Variants in CEP78 observed in about 807,000 individuals in gnomAD.
The protein encoded by CEP78 is centrosomal protein 78.
In CEP78, 76 loss-of-function variants were observed where a neutral mutation model predicts 81.2. That is an observed-to-expected ratio of 0.94 (90% CI 0.78 to 1.13). The LOEUF is 1.13. Among genes scored for constraint, CEP78 ranks in the 50% most tolerant of loss-of-function variants. CEP78 has a pLI of 0.00. For synonymous variants in CEP78, 293 were observed against 301.4 expected (o/e 0.97, Z 0.29); for missense variants, 918 against 846.8 (o/e 1.08, Z -1.04).
chr9:78,246,822 A>G (rs756899539), intron 6 of CEP78, 40 bp downstream of exon 6: 3 of 1,133,912 alleles, frequency 2.6e-6, no homozygotes, highest in Non-Finnish European at 3.8e-6. Context: ...AACAAATAGC[A>G]AAAGAAAAAG....
intron 2 of CEP78, 31 bp from the exon 3 acceptor site, chr9:78,240,252 AAACCTCAAT>A (rs1297432667): frequency 6.2e-7 from 1 of 1,612,074 alleles, no homozygotes; most frequent in Non-Finnish European, 8.5e-7. Context: ...AGAGGAAAAA[AAACCTCAAT>A]AACATTTTTA....
rs1827840043 is a variant in CEP78 at position 78,278,086 on chromosome 9, G to A, written c.*7235G>A. 6.6e-6 allele frequency: 1 copy of A among 151,996 alleles called. No individual in the cohort carries two copies. Among genetic ancestry groups the A allele is most frequent in the Non-Finnish European group, 1.5e-5 (1 of 67,970 alleles). 9.4% of individuals were successfully genotyped at this position (151,996 alleles called of 1,614,324 possible). On this transcript the variant is annotated 3_prime_UTR_variant, in exon 17 of 17. Transcript: ENST00000643273. ...ATATCAAGCTATTGACAGCGGTTTT[G>A]TCTGCTGAAGGAGGAAAAAAGGGGG...
rs1289004383 is a variant in CEP78 at position 78,236,333 on chromosome 9, C to G, written c.-18C>G. On this transcript the variant is annotated 5_prime_UTR_variant, in exon 1 of 17. Transcript: ENST00000643273. ...CGGCGTCTCCGCGGCGGGCATCCCC[C>G]GAGGCCGCCCTCGGGCCATGATCGA... 36 of 1,550,250 alleles carry G rather than the reference C, an allele frequency of 2.3e-5. No individual in the cohort carries two copies. The highest frequency in any genetic ancestry group is 2.9e-5 in the Non-Finnish European group (33 of 1,153,698).
Position 78,266,983 on chromosome 9 carries a change from A to G in CEP78, c.2107+280A>G, listed in dbSNP as rs972005196. 45 of 1,391,070 alleles carry G rather than the reference A, an allele frequency of 3.2e-5. No individual in the cohort carries two copies. In the Middle Eastern group the frequency reaches 7.9e-4, roughly 24 times the overall value. The allele number at this position is 1,391,070 out of a possible 1,614,324, so 86.2% of individuals were successfully genotyped here. A position where few individuals can be genotyped will look rare whatever the true frequency, so the allele number is the denominator to read the frequency against. ...GATTTTGAATTTCAAGAAAGCATCC[A>G]TTCTCTATCACACCTTTCATATGAC... is the stretch of plus-strand genomic sequence containing the variant. On this transcript the variant is annotated intron_variant, in intron 16 of 16. Coordinates refer to ENST00000643273, the MANE Select transcript of CEP78 (RefSeq NM_001330691.3).
chr9:78,239,959 C>G, intron 1 of CEP78, 64 bp from the exon 2 acceptor site: 1 of 1,327,270 alleles, frequency 7.5e-7, no homozygotes, highest in Admixed American at 2.8e-5. Flanking sequence ...TAGCACAGAG[C>G]AGATGTTTTT....
In CEP78 at chr9:78,243,550, G is replaced by A. The variant is rs761319096; in HGVS notation, c.692G>A (p.Arg231His). The A allele has an allele frequency of 2.0e-5, 33 of 1,613,690 alleles. No individual in the cohort carries two copies. Among genetic ancestry groups the A allele is most frequent in the South Asian group, 8.8e-5 (8 of 91,070 alleles). The change falls in exon 5 of 17, where the codon CGT (arginine) becomes CAT (histidine). Residue 231 changes from arginine to histidine, a missense_variant. Coordinates refer to ENST00000643273, the MANE Select transcript of CEP78 (RefSeq NM_001330691.3). ...CTTGACTGTATGGCTGGCTTAAGAC[G>A]TATCACACTGAATTGCAACACACTT... The part of the protein sequence containing the change: ...PDLDCMAGLR[R>H]ITLNCNTLIG...
chr9:78,262,363 G>T (rs1183112710), intron 11 of CEP78, among the ~76,000 whole-genome samples: 1 of 152,080 alleles, frequency 6.6e-6, no homozygotes, highest in Non-Finnish European at 1.5e-5. Context: ...GATTACTCCA[G>T]AAAGTGGCAC....
intron 16 of CEP78, among the ~76,000 whole-genome samples, chr9:78,270,624 A>G (rs1486672350): frequency 2.6e-5 from 4 of 152,218 alleles, no homozygotes; most frequent in Non-Finnish European, 4.4e-5. Context: ...GTGGTCAAAA[A>G]TCATCACTCT....
intron 11 of CEP78, among the ~76,000 whole-genome samples, chr9:78,258,313 A>AG (rs1242157114): frequency 6.6e-6 from 1 of 152,232 alleles, no homozygotes; most frequent in Non-Finnish European, 1.5e-5. Flanking sequence ...CTCTCAAAAA[A>AG]CAAACAGCTC....
rs915026173 is a variant in CEP78 at position 78,278,413 on chromosome 9, G to A, written c.*7562G>A. ...AACCACAACCCACAGTAAAAATGAA[G>A]CTTTCTGCAAAGTTAAAAGTAGTAG... is the stretch of plus-strand genomic sequence containing the variant. On this transcript the variant is annotated 3_prime_UTR_variant, in exon 17 of 17. Coordinates refer to ENST00000643273, the MANE Select transcript of CEP78 (RefSeq NM_001330691.3). 1.3e-5 allele frequency: 2 copies of A among 152,172 alleles called. No homozygotes were observed. The highest frequency in any genetic ancestry group is 2.9e-5 in the Non-Finnish European group (2 of 68,030). 9.4% of individuals were successfully genotyped at this position (152,172 alleles called of 1,614,324 possible).
intron 1 of CEP78, among the ~76,000 whole-genome samples, chr9:78,238,720 C>T (rs992503037): frequency 6.6e-6 from 1 of 152,132 alleles, no homozygotes; most frequent in Admixed American, 6.5e-5. Context: ...GGTGCAGGAA[C>T]TGTTCTGTAC....
intron 11 of CEP78, among the ~76,000 whole-genome samples, chr9:78,258,152 C>T (rs140346986): frequency 6.6e-6 from 1 of 152,302 alleles, no homozygotes; most frequent in African/African-American, 2.4e-5. Flanking sequence ...ATTTGATCCT[C>T]AGAATAACCT....
chr9:78,252,210 C>G (rs1826799369), intron 9 of CEP78, among the ~76,000 whole-genome samples, 167 bp downstream of exon 9: 1 of 152,050 alleles, frequency 6.6e-6, no homozygotes, highest in African/African-American at 2.4e-5. Flanking sequence ...AAAAATAATC[C>G]TAAGTAGGGT....
Position 78,278,101 on chromosome 9 carries a change from A to G in CEP78, c.*7250A>G, listed in dbSNP as rs1358068329. 6.6e-6 allele frequency: 1 copy of G among 152,116 alleles called. No homozygotes were observed. Among genetic ancestry groups the G allele is most frequent in the East Asian group, 1.9e-4 (1 of 5,200 alleles). The allele number at this position is 152,116 out of a possible 1,614,324, so 9.4% of individuals were successfully genotyped here. ...CAGCGGTTTTGTCTGCTGAAGGAGG[A>G]AAAAAGGGGGGCTTCTCACATTTTA... On this transcript the variant is annotated 3_prime_UTR_variant, in exon 17 of 17. Transcript: ENST00000643273.
rs1346903244 is a variant in CEP78, at chr9:78,264,158, T to C, written c.1467T>C (p.His489=). 2 of 1,446,358 alleles carry C rather than the reference T, an allele frequency of 1.4e-6. No individual in the cohort carries two copies. Among genetic ancestry groups the C allele is most frequent in the African/African-American group, 2.9e-5 (2 of 68,298 alleles). The allele number at this position is 1,446,358 out of a possible 1,614,324, so 89.6% of individuals were successfully genotyped here. The change falls in exon 13 of 17, where the codon CAT becomes CAC. Residue 489 remains histidine (H), a synonymous_variant. Transcript: ENST00000643273. ...KVDKRVSELE[H]ENAQLRNINF... ...TCAATCTTCTTTTATAGCTGGAACA[T>C]GAAAATGCCCAGTTAAGAAATATAA...
In CEP78 at chr9:78,266,533, G is replaced by GC; in HGVS notation, c.1938dup (p.Asn647GlnfsTer9). On this transcript the variant is annotated frameshift_variant, in exon 16 of 17. Coordinates refer to ENST00000643273, the MANE Select transcript of CEP78 (RefSeq NM_001330691.3). LOFTEE classifies it high-confidence loss of function. ...ACTCCAGAGGGCTTAGGAACTTCCA[G>GC]CAACAACCTAGGAGTCCCAGCTACT... 6.2e-7 allele frequency: 1 copy of GC among 1,613,838 alleles called. No homozygotes were observed. Among genetic ancestry groups the GC allele is most frequent in the Non-Finnish European group, 8.5e-7 (1 of 1,179,860 alleles).
intron 8 of CEP78, among the ~76,000 whole-genome samples, chr9:78,251,230 T>A (rs187647794): frequency 6.6e-6 from 1 of 152,310 alleles, no homozygotes; most frequent in East Asian, 1.9e-4. Context: ...GTTTCATTTG[T>A]TTTCTTTGTG....
chr9:78,272,708 T>G lies in CEP78; in HGVS notation c.*1857T>G, dbSNP rs1827719365. On this transcript the variant is annotated 3_prime_UTR_variant, in exon 17 of 17. Transcript: ENST00000643273. ...AACAGCTCCCAAATTTTAATTACTTTCAACAACATAGGTTTATTTGTGCCC... is the reference window on the plus strand; with the variant it reads ...AACAGCTCCCAAATTTTAATTACTTGCAACAACATAGGTTTATTTGTGCCC... 1 of 152,224 alleles carries G rather than the reference T, an allele frequency of 6.6e-6. No homozygotes were observed. The highest frequency in any genetic ancestry group is 1.5e-5 in the Non-Finnish European group (1 of 68,024). The allele number at this position is 152,224 out of a possible 1,614,324, so 9.4% of individuals were successfully genotyped here. A position where few individuals can be genotyped will look rare whatever the true frequency, so the allele number is the denominator to read the frequency against.
At chr9:78,240,396 A>G (rs531458882) in intron 3 of CEP78, 32 bp downstream of exon 3, 36 of 1,523,094 alleles carry the variant, frequency 2.4e-5, no homozygotes, top group African/African-American at 1.2e-4. Flanking sequence ...CTCTTGTCCT[A>G]TCAGGCTGGT....
Sources: allele counts gnomAD v4.1 joint callset (sites outside exome capture counted in the v4.1 genomes callset), GRCh38; gene constraint gnomAD v4.1.1; transcripts MANE v1.5; gene names NCBI Gene and HGNC (gene_info 2026-07-23, HGNC 2026-07-21).